The following WHR1 variants were observed in gnomAD, a reference collection of about 807,000 sequenced individuals.
WHR1 encodes winged helix repair factor 1, also known as MHC class III HLA-RP1.
chr6:31,971,992 G>A, the WHR1 span: 12 of 1,596,934 alleles, frequency 7.5e-6, no homozygotes, highest in East Asian at 1.3e-4. The surrounding 1 kb of genome is among the most constrained non-coding windows in gnomAD (Gnocchi z 4.5). Context: ...GCCAGAGGCC[G>A]AAGGATGCAA....
At chr6:31,971,963 A>G in the WHR1 span, 1 of 1,579,596 alleles carries the variant, frequency 6.3e-7, no homozygotes, top group Non-Finnish European at 8.6e-7. This position sits in a 1 kb window ranked among gnomAD's most constrained non-coding sequence, Gnocchi z 4.5. Flanking sequence ...CCGCAGAGCT[A>G]TGACGTCATG....
chr6:31,980,657 G>A, the WHR1 span: 15 of 1,595,468 alleles, frequency 9.4e-6, no homozygotes, highest in Middle Eastern at 1.9e-4. Flanking sequence ...CCTCTAGGGC[G>A]CCAGGCTGTC....
chr6:31,978,275 T>C, the WHR1 span, among the ~76,000 whole-genome samples: 3 of 152,110 alleles, frequency 2.0e-5, no homozygotes, highest in Admixed American at 1.3e-4. Context: ...CATAGGTGTC[T>C]GCCCCCACGC....
chr6:31,978,893 G>C, the WHR1 span: 5 of 1,612,444 alleles, frequency 3.1e-6, no homozygotes, highest in Non-Finnish European at 4.2e-6. Context: ...TCTCTTCTCT[G>C]TGGAGACAGA....
chr6:31,976,299 C>G, the WHR1 span, among the ~76,000 whole-genome samples: 1 of 151,162 alleles, frequency 6.6e-6, no homozygotes, highest in East Asian at 2.0e-4. Context: ...GGGCGGCTGC[C>G]GGGCGGAGAT....
the WHR1 span, among the ~76,000 whole-genome samples, chr6:31,975,535 C>G: frequency 2.6e-5 from 4 of 151,774 alleles, no homozygotes. Flanking sequence ...GGGTTTCACC[C>G]TGTTGGCCAG....
the WHR1 span, chr6:31,972,379 T>A: frequency 6.2e-7 from 1 of 1,613,054 alleles, no homozygotes; most frequent in South Asian, 1.1e-5. The surrounding 1 kb of genome is among the most constrained non-coding windows in gnomAD (Gnocchi z 6.3). Context: ...CCTCCATTCC[T>A]ACCCCTTCCC....
the WHR1 span, among the ~76,000 whole-genome samples, chr6:31,976,410 C>A: frequency 1.5e-5 from 2 of 136,992 alleles, no homozygotes; most frequent in African/African-American, 5.6e-5. Context: ...CAGACGGGGT[C>A]GCGGCCGGGC....
At chr6:31,979,333 G>T in the WHR1 span, 1 of 1,580,392 alleles carries the variant, frequency 6.3e-7, no homozygotes, top group Admixed American at 1.7e-5. Flanking sequence ...GGTAAGACAG[G>T]AAGAGAAATG....
chr6:31,979,413 G>C, the WHR1 span: 1 of 1,612,866 alleles, frequency 6.2e-7, no homozygotes, highest in Non-Finnish European at 8.5e-7. Context: ...TCTGCTTGTA[G>C]GTCCTCAAGG....
At chr6:31,972,430 C>T in the WHR1 span, 3 of 1,613,098 alleles carry the variant, frequency 1.9e-6, no homozygotes, top group Non-Finnish European at 2.5e-6. This position sits in a 1 kb window ranked among gnomAD's most constrained non-coding sequence, Gnocchi z 6.3. Flanking sequence ...GAAGAGGCAT[C>T]ACCTGATCCC....
At chr6:31,973,227 G>A in the WHR1 span, 1 of 348,096 alleles carries the variant, frequency 2.9e-6, no homozygotes, top group Non-Finnish European at 5.6e-6. Context: ...AGGAGAGTGA[G>A]GAAGAGGGAG....
At chr6:31,975,838 A>G in the WHR1 span, among the ~76,000 whole-genome samples, 6 of 150,770 alleles carry the variant, frequency 4.0e-5, no homozygotes, top group Non-Finnish European at 8.9e-5. Context: ...GGGGCTCCTC[A>G]CTTCCCAGCA....
chr6:31,978,738 G>A, the WHR1 span, among the ~76,000 whole-genome samples: 1 of 152,164 alleles, frequency 6.6e-6, no homozygotes, highest in African/African-American at 2.4e-5. Context: ...GTTGGAAAAG[G>A]CTGCTTGGTC....
At chr6:31,976,017 C>T in the WHR1 span, among the ~76,000 whole-genome samples, 77 of 145,616 alleles carry the variant, frequency 5.3e-4, no homozygotes, top group Admixed American at 3.3e-3. Flanking sequence ...CCGGACGAGG[C>T]GGCTGGCCGG....
chr6:31,979,544 C>G, the WHR1 span: 1 of 1,612,876 alleles, frequency 6.2e-7, no homozygotes, highest in South Asian at 1.1e-5. Flanking sequence ...TTCAGGGACT[C>G]AGAAATCACG....
chr6:31,979,196 G>A, the WHR1 span, among the ~76,000 whole-genome samples: 3 of 131,378 alleles, frequency 2.3e-5, no homozygotes. Flanking sequence ...AGGGTAAAGA[G>A]GGGGGGAGAG....
chr6:31,972,573 C>G, the WHR1 span: 1 of 1,594,218 alleles, frequency 6.3e-7, no homozygotes, highest in Admixed American at 1.7e-5. The surrounding 1 kb of genome is among the most constrained non-coding windows in gnomAD (Gnocchi z 6.3). Flanking sequence ...TTGTTAGAAC[C>G]GCGTCCCCGC....
At chr6:31,979,665 A>G in the WHR1 span, 81 of 1,436,320 alleles carry the variant, frequency 5.6e-5, no homozygotes, top group Non-Finnish European at 7.5e-5. Flanking sequence ...AAAAGCTGCC[A>G]AAAAGCTGAC....
Sources: gnomAD v4.1 joint callset for allele counts (sites outside exome capture counted in the v4.1 genomes callset) on GRCh38, gnomAD v4.1.1 for gene constraint, Gnocchi (gnomAD v3.1) non-coding constraint, MANE v1.5 for transcripts, NCBI Gene and HGNC (gene_info 2026-07-23, HGNC 2026-07-21) for gene names.